RAPGEF2: variants seen among roughly 807,000 people sequenced by gnomAD.
RAPGEF2 encodes the protein Rap guanine nucleotide exchange factor 2.
Under a neutral mutation model 186.7 loss-of-function variants are expected in RAPGEF2, and 54 were observed. The observed-to-expected ratio is 0.29, with a 90% CI of 0.23 to 0.36. The LOEUF (loss-of-function observed/expected upper bound fraction) is 0.36. RAPGEF2 is among the 10% of genes least tolerant of loss of function. RAPGEF2 has a pLI of 1.00. For synonymous variants in RAPGEF2, 712 were observed against 705.9 expected, an observed-to-expected ratio of 1.01 and a Z score of -0.14; for missense variants, 1,532 against 2,045.0, an observed-to-expected ratio of 0.75 and a Z score of 4.84.
At chr4:159,124,620 G>C (rs1740080771) in intron 1 of RAPGEF2, among the ~76,000 whole-genome samples, 1 of 152,182 alleles carries the variant, frequency 6.6e-6, no homozygotes, top group African/African-American at 2.4e-5. Context: ...ACGCAAAGAA[G>C]AATGAAGAGG....
At chr4:159,304,219 T>G (rs1257760354) in intron 7 of RAPGEF2, 123 bp from the exon 8 acceptor site, 1 of 903,552 alleles carries the variant, frequency 1.1e-6, no homozygotes, top group East Asian at 2.9e-5. Context: ...TTTGTGAATG[T>G]GGAAAATGAA....
chr4:159,238,201 T>G (rs564787907), intron 4 of RAPGEF2, among the ~76,000 whole-genome samples: 3 of 152,342 alleles, frequency 2.0e-5, no homozygotes, highest in South Asian at 4.1e-4. Context: ...AAAGGTGCTA[T>G]GTCTGTGTTC....
At chr4:159,186,593 C>A (rs761252331) in intron 1 of RAPGEF2, 49 bp from the exon 2 acceptor site, 3 of 973,522 alleles carry the variant, frequency 3.1e-6, no homozygotes, top group South Asian at 1.8e-5. Flanking sequence ...ATTTTAGAAA[C>A]CCCTTTTCCT....
At chr4:159,130,010 C>T (rs1168870419) in intron 1 of RAPGEF2, among the ~76,000 whole-genome samples, 7 of 152,108 alleles carry the variant, frequency 4.6e-5, no homozygotes, top group Admixed American at 3.3e-4. Flanking sequence ...GGGGATTTTC[C>T]CCAGAACTGA....
intron 5 of RAPGEF2, 123 bp downstream of exon 5, chr4:159,239,007 C>T (rs147943668): frequency 4.7e-5 from 23 of 485,136 alleles, no homozygotes; most frequent in Non-Finnish European, 6.0e-5. Flanking sequence ...TTTTCTATAA[C>T]AGATATATTT....
At chr4:159,342,538 T>A (rs1053028124) in intron 20 of RAPGEF2, among the ~76,000 whole-genome samples, 5 of 110,208 alleles carry the variant, frequency 4.5e-5, no homozygotes, top group African/African-American at 1.2e-4. Context: ...TTTATTTTAT[T>A]TTATTTTATT....
intron 1 of RAPGEF2, among the ~76,000 whole-genome samples, chr4:159,118,544 C>G (rs1739306886): frequency 6.6e-6 from 1 of 151,802 alleles, no homozygotes; most frequent in South Asian, 2.1e-4. Flanking sequence ...TCCCTGGTGC[C>G]AGAAGGGTTG....
At chr4:159,153,636 AG>A (rs1743802987) in intron 1 of RAPGEF2, among the ~76,000 whole-genome samples, 1 of 152,204 alleles carries the variant, frequency 6.6e-6, no homozygotes, top group African/African-American at 2.4e-5. Context: ...TGACTTTCTA[AG>A]GTCTAATACA....
chr4:159,143,955 A>G (rs1439969118), intron 1 of RAPGEF2, among the ~76,000 whole-genome samples: 1 of 152,174 alleles, frequency 6.6e-6, no homozygotes, highest in Non-Finnish European at 1.5e-5. Context: ...ACGTTATTTT[A>G]CAGTAGCCAG....
At chr4:159,126,930 A>G (rs1740379668) in intron 1 of RAPGEF2, among the ~76,000 whole-genome samples, 1 of 152,226 alleles carries the variant, frequency 6.6e-6, no homozygotes, top group South Asian at 2.1e-4. Flanking sequence ...ATCTCACACT[A>G]TCTTCTGGGT....
At chr4:159,348,249 TGGATGGATGGA>T (rs1730674183) in intron 25 of RAPGEF2, among the ~76,000 whole-genome samples, 1 of 63,870 alleles carries the variant, frequency 1.6e-5, no homozygotes, top group Non-Finnish European at 4.9e-5. Context: ...GATAGATGGA[TGGATGGATGGA>T]TGGATGGATG....
At chr4:159,343,791 T>G (rs1326612565) in intron 22 of RAPGEF2, among the ~76,000 whole-genome samples, 4 of 152,202 alleles carry the variant, frequency 2.6e-5, no homozygotes, top group Non-Finnish European at 5.9e-5. Flanking sequence ...TAGTAAAAAG[T>G]GATTAATTCA....
At chr4:159,344,001 A>T (rs1481978780) in intron 22 of RAPGEF2, 35 bp from the exon 23 acceptor site, 1 of 1,524,810 alleles carries the variant, frequency 6.6e-7, no homozygotes, top group Non-Finnish European at 9.1e-7. Flanking sequence ...CTCTTTCTAC[A>T]CCCATGCTTC....
chr4:159,157,514 C>G (rs980120545), intron 1 of RAPGEF2, among the ~76,000 whole-genome samples: 1 of 152,068 alleles, frequency 6.6e-6, no homozygotes, highest in Non-Finnish European at 1.5e-5. Context: ...TCTAGGGTTT[C>G]GGAGTCAGAC....
intron 7 of RAPGEF2, among the ~76,000 whole-genome samples, chr4:159,263,368 T>C (rs1039225364): frequency 6.6e-6 from 1 of 152,216 alleles, no homozygotes; most frequent in African/African-American, 2.4e-5. Flanking sequence ...TGTACTCATA[T>C]AGAAAATAGC....
chr4:159,339,414 T>C, intron 19 of RAPGEF2, 60 bp downstream of exon 19: 1 of 1,544,274 alleles, frequency 6.5e-7, no homozygotes, highest in Non-Finnish European at 8.8e-7. Context: ...CATCAAAGTC[T>C]AAGAGATGAG....
Position 159,323,561 on chromosome 4 carries a change from A to G in RAPGEF2, c.1093A>G (p.Thr365Ala), listed in dbSNP as rs1364166049. 19 of 1,612,254 alleles carry G rather than the reference A, an allele frequency of 1.2e-5. No homozygotes were observed. Among genetic ancestry groups the G allele is most frequent in the Non-Finnish European group, 1.5e-5 (18 of 1,178,932 alleles). The change falls in exon 11 of 30, where the codon ACC becomes GCC. Residue 365 changes from threonine to alanine, a missense_variant. Transcript: ENST00000691494. ...CMGNSFGVSP[T>A]MDKEYMKGVM... ...GGGAAATAGTTTTGGTGTCTCTCCT[A>G]CCATGGACAAAGAATACATGAAAGG...
chr4:159,167,966 C>T (rs1212264137), intron 1 of RAPGEF2, among the ~76,000 whole-genome samples: 1 of 152,130 alleles, frequency 6.6e-6, no homozygotes, highest in Non-Finnish European at 1.5e-5. Flanking sequence ...TTAGGATCAA[C>T]TATGATGAAA....
intron 3 of RAPGEF2, among the ~76,000 whole-genome samples, chr4:159,206,225 C>CA (rs1256342643): frequency 2.6e-5 from 4 of 152,224 alleles, no homozygotes; most frequent in Admixed American, 6.5e-5. Flanking sequence ...CCACCGCGCC[C>CA]AGCCGCGCAG....
Sources: allele counts gnomAD v4.1 joint callset (sites outside exome capture counted in the v4.1 genomes callset), GRCh38; gene constraint gnomAD v4.1.1; transcripts MANE v1.5; gene names NCBI Gene and HGNC (gene_info 2026-07-23, HGNC 2026-07-21).